Variants in EVI5 observed in about 807,000 individuals in gnomAD.
The protein encoded by EVI5 is ecotropic viral integration site 5 protein homolog.
Under a neutral mutation model 112.0 loss-of-function variants are expected in EVI5, and 73 were observed. The ratio of observed to expected loss-of-function variants is 0.65; its 90% CI spans 0.54 to 0.79. EVI5 has a LOEUF of 0.79. Ranked by LOEUF, EVI5 falls within the 30% of genes least tolerant of loss-of-function variation. The pLI is 0.00. For synonymous variants in EVI5, 305 were observed against 319.9 expected, an observed-to-expected ratio of 0.95 and a Z score of 0.50; for missense variants, 900 against 968.8, an observed-to-expected ratio of 0.93 and a Z score of 0.94.
Position 92,534,445 on chromosome 1 carries a change from G to A in EVI5, c.2167-20475C>T, listed in dbSNP as rs6603983. Among the ~76,000 whole-genome samples, 884 of 152,158 alleles carry A rather than the reference G, an allele frequency of 5.8e-3. 8 individuals are homozygous for A. The highest frequency in any genetic ancestry group is 0.019 in the African/African-American group (785 of 41,522). On this transcript the variant is annotated intron_variant, in intron 19 of 19. Coordinates refer to ENST00000684568, the MANE Select transcript of EVI5 (RefSeq NM_001350197.2). ...GAAAAAACTACTTTAAATTTCATAT[G>A]GAACCAAAAAAGAGCCCGTATAGCC... is the stretch of plus-strand genomic sequence containing the variant.
chr1:92,585,050 C>T (rs1380876780), intron 18 of EVI5, among the ~76,000 whole-genome samples: 1 of 151,868 alleles, frequency 6.6e-6, no homozygotes, highest in Non-Finnish European at 1.5e-5. Context: ...GTGGTGAAAC[C>T]CCATCTCTAT....
chr1:92,567,156 C>T (rs956835260), intron 18 of EVI5, among the ~76,000 whole-genome samples: 3 of 151,758 alleles, frequency 2.0e-5, no homozygotes, highest in East Asian at 1.9e-4. Flanking sequence ...GTTAAAAAAA[C>T]AGCTTATAGA....
chr1:92,531,456 CAAG>C (rs1260240961), intron 19 of EVI5, among the ~76,000 whole-genome samples: 1 of 152,036 alleles, frequency 6.6e-6, no homozygotes, highest in East Asian at 1.9e-4. Context: ...AGATACTCCT[CAAG>C]AAGATCAACC....
At chr1:92,762,325 C>G (rs1251721525) in intron 1 of EVI5, among the ~76,000 whole-genome samples, 1 of 152,196 alleles carries the variant, frequency 6.6e-6, no homozygotes, top group African/African-American at 2.4e-5. Context: ...CCATCATTTA[C>G]TATATGCTTT....
At chr1:92,651,724 G>T (rs1195025954) in intron 13 of EVI5, among the ~76,000 whole-genome samples, 1 of 130,622 alleles carries the variant, frequency 7.7e-6, no homozygotes, top group African/African-American at 3.0e-5. Flanking sequence ...AGTGGCGGGC[G>T]CCTGTAGTCC....
intron 19 of EVI5, among the ~76,000 whole-genome samples, chr1:92,520,812 C>G (rs940928570): frequency 6.6e-6 from 1 of 151,006 alleles, no homozygotes; most frequent in African/African-American, 2.4e-5. Flanking sequence ...GATCCCACCA[C>G]CACTGCATTC....
At chr1:92,608,864 T>A (rs1651093346) in intron 16 of EVI5, among the ~76,000 whole-genome samples, 1 of 152,208 alleles carries the variant, frequency 6.6e-6, no homozygotes. Flanking sequence ...GGTTTTAATA[T>A]TTGGTCATTA....
intron 16 of EVI5, among the ~76,000 whole-genome samples, chr1:92,613,786 T>A (rs774863303): frequency 2.6e-5 from 4 of 151,786 alleles, no homozygotes; most frequent in Non-Finnish European, 5.9e-5. Flanking sequence ...AGACAGGGTC[T>A]CACTATGTTG....
At chr1:92,597,986 T>C (rs1313767001) in intron 18 of EVI5, among the ~76,000 whole-genome samples, 3 of 152,078 alleles carry the variant, frequency 2.0e-5, no homozygotes, top group African/African-American at 7.2e-5. Context: ...TTGAGCCCAG[T>C]AGGTCAAGGC....
rs1664211728 is a variant in EVI5, at chr1:92,662,602, TC to T, written c.1392+116del. On this transcript the variant is annotated intron_variant, in intron 13 of 19. Transcript: ENST00000684568. ...ACATAAAATTGTATAATTTAAAAGT[TC>T]AAAGTCTAAAACAAAATTATTTAAA... 5 of 662,232 alleles carry T rather than the reference TC, an allele frequency of 7.6e-6. No individual in the cohort carries two copies. The Middle Eastern group carries it at 1.7e-3, about 219-fold the overall frequency. 41.0% of individuals were successfully genotyped at this position (662,232 alleles called of 1,614,324 possible).
At chr1:92,549,829 C>T (rs1469604771) in intron 19 of EVI5, among the ~76,000 whole-genome samples, 4 of 152,096 alleles carry the variant, frequency 2.6e-5, no homozygotes, top group Non-Finnish European at 5.9e-5. Flanking sequence ...GAATGGTGAT[C>T]ATTAAAAAGT....
chr1:92,691,594 T>C (rs1430404882), intron 9 of EVI5, among the ~76,000 whole-genome samples: 1 of 152,198 alleles, frequency 6.6e-6, no homozygotes, highest in Non-Finnish European at 1.5e-5. Flanking sequence ...AGGTTTTGTT[T>C]TGTTGCTTCT....
At chr1:92,539,567 T>C (rs10874708) in intron 19 of EVI5, among the ~76,000 whole-genome samples, 122,839 of 143,880 alleles carry the variant, frequency 0.85, 52,935 homozygotes, top group East Asian at 0.97. Flanking sequence ...AAAAAAAAAA[T>C]CTTGAACCCA....
intron 13 of EVI5, among the ~76,000 whole-genome samples, chr1:92,636,574 C>T (rs558428815): frequency 2.4e-4 from 36 of 152,128 alleles, no homozygotes; most frequent in African/African-American, 6.3e-4. Flanking sequence ...CTAGTTATTA[C>T]GCTGATCAAA....
chr1:92,580,666 T>G, intron 18 of EVI5: 1 of 176,758 alleles, frequency 5.7e-6, no homozygotes, highest in Middle Eastern at 5.2e-4. Flanking sequence ...ATAACATTGC[T>G]GCATACACCT....
intron 14 of EVI5, among the ~76,000 whole-genome samples, 188 bp from the exon 15 acceptor site, chr1:92,626,122 A>G (rs1256210668): frequency 2.6e-5 from 4 of 152,228 alleles, no homozygotes; most frequent in Admixed American, 2.6e-4. Context: ...GAGTATTTAC[A>G]GGGTTGTTTA....
At chr1:92,534,196 GA>G (rs1271546360) in intron 19 of EVI5, among the ~76,000 whole-genome samples, 2 of 151,832 alleles carry the variant, frequency 1.3e-5, no homozygotes, top group Non-Finnish European at 2.9e-5. Flanking sequence ...TAGTAAGAGA[GA>G]AAAAACCAGG....
At chr1:92,699,987 TA>T (rs1482093968) in intron 5 of EVI5, among the ~76,000 whole-genome samples, 4 of 152,118 alleles carry the variant, frequency 2.6e-5, no homozygotes. Context: ...GGCAACATTT[TA>T]AAAAATAAGT....
At chr1:92,596,252 T>G (rs1384288351) in intron 18 of EVI5, among the ~76,000 whole-genome samples, 1 of 152,128 alleles carries the variant, frequency 6.6e-6, no homozygotes. Flanking sequence ...TCCCAGCTAC[T>G]TGGAGGCTCA....
Sources: allele counts gnomAD v4.1 joint callset (sites outside exome capture counted in the v4.1 genomes callset), GRCh38; gene constraint gnomAD v4.1.1; transcripts MANE v1.5; gene names NCBI Gene and HGNC (gene_info 2026-07-23, HGNC 2026-07-21).